IHO1: variants seen among roughly 807,000 people sequenced by gnomAD.
IHO1 encodes the protein interactor of HORMAD1 protein 1.
In IHO1, 13 loss-of-function variants were observed where a neutral mutation model predicts 31.0. The observed-to-expected ratio is 0.42, with a 90% confidence interval of 0.27 to 0.67. IHO1 has a LOEUF of 0.67. Among genes scored for constraint, IHO1 ranks in the 30% least tolerant of loss-of-function variants. The pLI is 0.24. For synonymous variants in IHO1, 221 were observed against 248.4 expected, an observed-to-expected ratio of 0.89 and a Z score of 1.04; for missense variants, 599 against 687.5, an observed-to-expected ratio of 0.87 and a Z score of 1.44.
At chr3:49,196,979 CTT>C (rs1162418107), upstream of IHO1, among the ~76,000 whole-genome samples, 8 of 94,304 alleles carry the variant, frequency 8.5e-5, no homozygotes, top group South Asian at 3.5e-4. Context: ...CACGTTTTTA[CTT>C]TTTTTTTTTT....
chr3:49,208,836 A>G (rs1230521570), intron 1 of IHO1, among the ~76,000 whole-genome samples: 4 of 152,206 alleles, frequency 2.6e-5, no homozygotes, highest in Non-Finnish European at 1.5e-5. Context: ...GAGAGGGTAC[A>G]TGGGGCTTGA....
chr3:49,194,853 G>A (rs1178740452), upstream of IHO1, among the ~76,000 whole-genome samples: 1 of 151,898 alleles, frequency 6.6e-6, no homozygotes, highest in African/African-American at 2.4e-5. Flanking sequence ...CCATGATTGT[G>A]CTACTGCACT....
In IHO1 at chr3:49,244,416, C is replaced by T. The variant is rs2046670454; in HGVS notation, c.408C>T (p.Tyr136=). The part of the protein sequence containing the change: ...AKDKCDSETL[Y]NFVSNVRESI... ...CCTCCTATTCTAGTGAGACTCTATA[C>T]AACTTTGTTTCTAATGTTAGAGAAA... The change falls in exon 5 of 8, where the codon TAC becomes TAT. Residue 136 remains tyrosine (Y), a synonymous_variant. Coordinates refer to ENST00000452691, the MANE Select transcript of IHO1 (RefSeq NM_001135197.2). 6.4e-7 allele frequency: 1 copy of T among 1,556,704 alleles called. No individual in the cohort carries two copies. The highest frequency in any genetic ancestry group is 8.8e-7 in the Non-Finnish European group (1 of 1,139,034).
chr3:49,241,560 C>G (rs760985584), intron 4 of IHO1, among the ~76,000 whole-genome samples, 171 bp downstream of exon 4: 2 of 151,792 alleles, frequency 1.3e-5, no homozygotes, highest in Non-Finnish European at 2.9e-5. Flanking sequence ...CACACACACA[C>G]AGACACACAA....
intron 6 of IHO1, among the ~76,000 whole-genome samples, chr3:49,250,498 T>C (rs958987982): frequency 3.9e-5 from 6 of 152,190 alleles, no homozygotes; most frequent in Non-Finnish European, 8.8e-5. Context: ...GCTCTGCTTT[T>C]GTGAGGGTCA....
intron 2 of IHO1, among the ~76,000 whole-genome samples, chr3:49,213,560 C>A (rs530200388): frequency 6.6e-6 from 1 of 152,210 alleles, no homozygotes; most frequent in Non-Finnish European, 1.5e-5. Context: ...CTTGGGTGGT[C>A]GATGGGACCG....
chr3:49,235,886 C>T (rs1318610104), intron 2 of IHO1, among the ~76,000 whole-genome samples: 1 of 146,692 alleles, frequency 6.8e-6, no homozygotes, highest in African/African-American at 2.5e-5. Flanking sequence ...GCCAAGATTG[C>T]ACCACTGCAT....
At chr3:49,206,555 G>C (rs945281139) in intron 1 of IHO1, among the ~76,000 whole-genome samples, 2 of 152,176 alleles carry the variant, frequency 1.3e-5, no homozygotes, top group African/African-American at 4.8e-5. Flanking sequence ...TGCCATCTTG[G>C]ATTTGGCGGG....
intron 4 of IHO1, among the ~76,000 whole-genome samples, chr3:49,244,051 T>C (rs2046665222): frequency 6.6e-6 from 1 of 151,516 alleles, no homozygotes; most frequent in African/African-American, 2.4e-5. Flanking sequence ...GCCTCCCAGG[T>C]TCAAGGAATT....
intron 6 of IHO1, among the ~76,000 whole-genome samples, chr3:49,247,322 C>T (rs1246214808): frequency 2.6e-5 from 4 of 151,866 alleles, no homozygotes; most frequent in Admixed American, 6.6e-5. Flanking sequence ...CTCTTCCTCC[C>T]GGGTTCAAGC....
At chr3:49,207,247 A>G (rs1282654937) in intron 1 of IHO1, among the ~76,000 whole-genome samples, 1 of 146,264 alleles carries the variant, frequency 6.8e-6, no homozygotes, top group East Asian at 2.0e-4. Context: ...CTTTCTGGTG[A>G]GGTTTTTTTT....
chr3:49,254,310 A>G (rs532383270), intron 6 of IHO1, among the ~76,000 whole-genome samples: 2 of 152,232 alleles, frequency 1.3e-5, no homozygotes, highest in African/African-American at 2.4e-5. Context: ...GTGTGTGTGC[A>G]TGCAGAATCT....
chr3:49,249,559 C>T (rs548390899), intron 6 of IHO1, among the ~76,000 whole-genome samples: 5 of 152,162 alleles, frequency 3.3e-5, no homozygotes, highest in East Asian at 1.9e-4. Context: ...TAAGCCACCA[C>T]GCCCGGCCAT....
In IHO1 at chr3:49,253,520, C is replaced by T. The variant is rs143429358; in HGVS notation, c.533-1870C>T. On this transcript the variant is annotated intron_variant, in intron 6 of 7. Transcript: ENST00000452691. ...GTAACTGTGACCTGCCTCCCCTCAG[C>T]TGTGGCCTGCTCCTGGGCCCCTTGC... 5.8e-3 allele frequency among the ~76,000 whole-genome samples: 890 copies of T among 152,292 alleles called. 9 individuals are homozygous for T. Among genetic ancestry groups the T allele is most frequent in the African/African-American group, 0.02 (848 of 41,558 alleles).
chr3:49,235,264 TTGCC>T (rs2046543906), intron 2 of IHO1, among the ~76,000 whole-genome samples: 3 of 151,218 alleles, frequency 2.0e-5, no homozygotes, highest in African/African-American at 7.3e-5. Flanking sequence ...TCTTACTCTG[TTGCC>T]CAGGCTGGAG....
intron 2 of IHO1, among the ~76,000 whole-genome samples, chr3:49,231,017 T>G (rs1437431676): frequency 1.3e-5 from 2 of 152,168 alleles, no homozygotes; most frequent in Admixed American, 6.5e-5. Context: ...GACTCTAGAT[T>G]TGCTAATTTT....
intron 2 of IHO1, among the ~76,000 whole-genome samples, chr3:49,231,559 A>G (rs1184377188): frequency 1.3e-5 from 2 of 152,204 alleles, no homozygotes; most frequent in South Asian, 2.1e-4. Flanking sequence ...TGGATTCTTC[A>G]TGGTTCATTC....
At chr3:49,244,305 A>C (rs941402728) in intron 4 of IHO1, 99 bp from the exon 5 acceptor site, 1 of 772,178 alleles carries the variant, frequency 1.3e-6, no homozygotes, top group Admixed American at 2.2e-5. Context: ...TTTTGATGCT[A>C]TGCTAGGTAG....
At chr3:49,255,636 G>T in intron 7 of IHO1, 143 bp downstream of exon 7, 1 of 506,040 alleles carries the variant, frequency 2.0e-6, no homozygotes, top group Middle Eastern at 5.4e-4. Flanking sequence ...TGCAACCTCC[G>T]CCTCCCATGT....
Sources: gnomAD v4.1 joint callset for allele counts (sites outside exome capture counted in the v4.1 genomes callset) on GRCh38, gnomAD v4.1.1 for gene constraint, MANE v1.5 for transcripts, NCBI Gene and HGNC (gene_info 2026-07-23, HGNC 2026-07-21) for gene names.